Variants in TPO observed in about 807,000 individuals in gnomAD.
TPO encodes the protein thyroid peroxidase.
Under a neutral mutation model 96.9 loss-of-function variants are expected in TPO, and 78 were observed. The ratio of observed to expected loss-of-function variants is 0.81; its 90% confidence interval spans 0.67 to 0.97. TPO has a LOEUF of 0.97. TPO is among the 50% of genes least tolerant of loss of function. TPO has a pLI of 0.00. For missense variants in TPO, 1,252 were observed against 1,274.8 expected (o/e 0.98, Z 0.27); for synonymous variants, 547 against 538.0 (o/e 1.02, Z -0.23).
At chr2:1,406,113 A>G (rs932879884) in intron 1 of TPO, among the ~76,000 whole-genome samples, 1 of 152,240 alleles carries the variant, frequency 6.6e-6, no homozygotes, top group African/African-American at 2.4e-5. Context: ...CGCACATTGC[A>G]TCATTTTCTG....
At chr2:1,527,969 C>A (rs1160207445) in intron 15 of TPO, among the ~76,000 whole-genome samples, 1 of 145,382 alleles carries the variant, frequency 6.9e-6, no homozygotes, top group Non-Finnish European at 1.5e-5. Context: ...TCAAATACCC[C>A]ACTGCGTGCA....
intron 15 of TPO, among the ~76,000 whole-genome samples, chr2:1,523,924 A>G (rs1263457661): frequency 4.0e-5 from 4 of 99,830 alleles, no homozygotes. Flanking sequence ...ACCTCCCCAA[A>G]TCCCCCCTAC....
Position 1,503,971 on chromosome 2 carries a change from GC to G in TPO, c.2413del (p.His805ThrfsTer27), listed in dbSNP as rs1558375131. ...CKDVNECADG[A>X]HPPCHASARC... ...AGATGTGAACGAGTGTGCAGACGGT[GC>G]CCACCCCCCCTGCCACGCCTCTGCG... On this transcript the variant is annotated frameshift_variant, in exon 14 of 17. Coordinates refer to ENST00000329066, the MANE Select transcript of TPO (RefSeq NM_001206744.2). LOFTEE classifies it high-confidence loss of function. The G allele has an allele frequency of 6.2e-7, 1 of 1,614,074 alleles. No individual in the cohort carries two copies. The highest frequency in any genetic ancestry group is 2.2e-5 in the East Asian group (1 of 44,868).
Position 1,458,212 on chromosome 2 carries a change from TATAAG to T in TPO, c.819+1934_819+1938del, listed in dbSNP as rs755475541. On this transcript the variant is annotated intron_variant, in intron 7 of 16. Transcript: ENST00000329066. The stretch of plus-strand genomic sequence containing the variant: ...TGTGTGGGCACATATGTATATGGCA[TATAAG>T]ATACTGTGTGGGCACATGTGTATAT... Among the ~76,000 whole-genome samples the T allele has an allele frequency of 2.6e-5, 4 of 151,704 alleles. No homozygotes were observed. The East Asian group carries it at 7.8e-4, about 29-fold the overall frequency.
At chr2:1,387,229 T>C (rs1661917616) in intron 1 of TPO, among the ~76,000 whole-genome samples, 1 of 152,202 alleles carries the variant, frequency 6.6e-6, no homozygotes, top group Non-Finnish European at 1.5e-5. Context: ...TGTGGTATTC[T>C]CTGTATTTCC....
chr2:1,396,669 C>T (rs1662084752), intron 1 of TPO, among the ~76,000 whole-genome samples: 1 of 152,160 alleles, frequency 6.6e-6, no homozygotes, highest in Non-Finnish European at 1.5e-5. Flanking sequence ...GAGACAGTCT[C>T]ATCCCAAATC....
intron 7 of TPO, among the ~76,000 whole-genome samples, chr2:1,458,280 C>T (rs554191962): frequency 6.6e-6 from 1 of 151,502 alleles, no homozygotes; most frequent in South Asian, 2.1e-4. Context: ...GTGTATATAG[C>T]ATATAAGACA....
chr2:1,451,741 C>T (rs1264037268), intron 5 of TPO, among the ~76,000 whole-genome samples: 1 of 152,136 alleles, frequency 6.6e-6, no homozygotes, highest in African/African-American at 2.4e-5. Flanking sequence ...AATGTTAGAC[C>T]CAAAACAATC....
At position 1,469,918 on chromosome 2, in the gene TPO, C is replaced by T. The variant is rs142716673; in HGVS notation, c.820-7168C>T. Among the ~76,000 whole-genome samples the T allele has an allele frequency of 6.5e-3, 992 of 152,210 alleles. 10 individuals are homozygous for T. The highest frequency in any genetic ancestry group is 0.022 in the African/African-American group (919 of 41,546). On this transcript the variant is annotated intron_variant, in intron 7 of 16. Coordinates refer to ENST00000329066, the MANE Select transcript of TPO (RefSeq NM_001206744.2). ...GCCGTCGTTCTGGAGCAAAAGTTCA[C>T]GACGTGAACCTCCACACACTGCTCT...
intron 1 of TPO, among the ~76,000 whole-genome samples, chr2:1,387,887 T>C (rs1661927740): frequency 6.6e-6 from 1 of 152,216 alleles, no homozygotes; most frequent in South Asian, 2.1e-4. Flanking sequence ...GATGGGGTTT[T>C]GGTGTGGATG....
intron 11 of TPO, among the ~76,000 whole-genome samples, chr2:1,494,886 A>C (rs1672173319): frequency 6.6e-6 from 1 of 152,068 alleles, no homozygotes; most frequent in African/African-American, 2.4e-5. Context: ...TGTGACTTTT[A>C]TCTCTAATTT....
intron 11 of TPO, among the ~76,000 whole-genome samples, chr2:1,495,274 G>C (rs530299347): frequency 1.3e-5 from 2 of 152,318 alleles, no homozygotes; most frequent in South Asian, 4.1e-4. Flanking sequence ...TCCCTGTGAT[G>C]GGAAGCAGAA....
chr2:1,525,049 C>A (rs1443896934), intron 15 of TPO, among the ~76,000 whole-genome samples: 2 of 70,982 alleles, frequency 2.8e-5, no homozygotes, highest in Non-Finnish European at 5.4e-5. Context: ...CAACCTCCCC[C>A]TATCCCTCCC....
rs199893928 is a variant in TPO, at chr2:1,471,440, A to ACC, written c.820-5638_820-5637dup. 5.4e-3 allele frequency among the ~76,000 whole-genome samples: 787 copies of ACC among 146,078 alleles called. 9 individuals are homozygous for ACC. The highest frequency in any genetic ancestry group is 0.017 in the African/African-American group (677 of 39,534). The stretch of plus-strand genomic sequence containing the variant: ...AGTTAAGACTATGTATTTTCCTGTG[A>ACC]CCCCCCCCCACAAATTTTGATACAT... On this transcript the variant is annotated intron_variant, in intron 7 of 16. Coordinates refer to ENST00000329066, the MANE Select transcript of TPO (RefSeq NM_001206744.2).
chr2:1,438,980 G>C, intron 5 of TPO: 1 of 632,568 alleles, frequency 1.6e-6, no homozygotes, highest in South Asian at 1.9e-5. Flanking sequence ...TCCTGCAGTA[G>C]AGCCTGAACC....
At chr2:1,447,222 C>T (rs1461994364) in intron 5 of TPO, among the ~76,000 whole-genome samples, 1 of 152,204 alleles carries the variant, frequency 6.6e-6, no homozygotes, top group African/African-American at 2.4e-5. Context: ...ACAGTCTCTT[C>T]TCTCAGAAGC....
intron 13 of TPO, among the ~76,000 whole-genome samples, chr2:1,503,438 G>C (rs368434829): frequency 1.3e-5 from 2 of 152,348 alleles, no homozygotes; most frequent in South Asian, 2.1e-4. Flanking sequence ...TACGCCTAGG[G>C]GATGAGATAC....
chr2:1,458,247 TATAAG>T, intron 7 of TPO, among the ~76,000 whole-genome samples: 1 of 151,574 alleles, frequency 6.6e-6, no homozygotes, highest in East Asian at 1.9e-4. Flanking sequence ...GTATATAGGA[TATAAG>T]ATAGTGTGTG....
chr2:1,416,027 C>T (rs1662927456), intron 2 of TPO, among the ~76,000 whole-genome samples: 1 of 152,110 alleles, frequency 6.6e-6, no homozygotes, highest in Non-Finnish European at 1.5e-5. Flanking sequence ...CCATCCATGC[C>T]CCAAGGATGG....
Sources: allele counts gnomAD v4.1 joint callset (sites outside exome capture counted in the v4.1 genomes callset), GRCh38; gene constraint gnomAD v4.1.1; transcripts MANE v1.5; gene names NCBI Gene and HGNC (gene_info 2026-07-23, HGNC 2026-07-21).